Variants in ATRN observed in about 807,000 individuals in gnomAD.
ATRN encodes the protein attractin.
Under a neutral mutation model 178.7 loss-of-function variants are expected in ATRN, and 54 were observed. The ratio of observed to expected loss-of-function variants is 0.30; its 90% CI spans 0.24 to 0.38. The LOEUF (loss-of-function observed/expected upper bound fraction) is 0.38, where lower values mean the gene tolerates loss of function less well. Among genes scored for constraint, ATRN ranks in the 10% least tolerant of loss-of-function variants. ATRN has a pLI of 1.00. For missense variants in ATRN, 1,443 were observed against 1,815.1 expected (o/e 0.79, Z 3.73); for synonymous variants, 636 against 663.0 (o/e 0.96, Z 0.63).
intron 1 of ATRN, among the ~76,000 whole-genome samples, chr20:3,526,348 T>C (rs1052304084): frequency 2.6e-5 from 4 of 152,038 alleles, no homozygotes; most frequent in African/African-American, 7.3e-5. Flanking sequence ...TCACAATTGC[T>C]ACAAAGAGAA....
chr20:3,491,777 C>T (rs980378244), intron 1 of ATRN, among the ~76,000 whole-genome samples: 2 of 147,078 alleles, frequency 1.4e-5, no homozygotes, highest in African/African-American at 4.9e-5. Flanking sequence ...ACCCCCAAAA[C>T]TTATCTAAGT....
intron 1 of ATRN, among the ~76,000 whole-genome samples, chr20:3,473,494 C>CTG (rs1377896914): frequency 2.0e-5 from 3 of 152,180 alleles, no homozygotes; most frequent in African/African-American, 7.2e-5. Flanking sequence ...AAGTGGAGAT[C>CTG]TGTGGGTTGG....
chr20:3,638,709 T>C lies in ATRN; in HGVS notation c.3943-119T>C. 1 of 778,782 alleles carries C rather than the reference T, an allele frequency of 1.3e-6. No homozygotes were observed. Among genetic ancestry groups the C allele is most frequent in the Non-Finnish European group, 2.0e-6 (1 of 489,576 alleles). 48.2% of individuals were successfully genotyped at this position (778,782 alleles called of 1,614,324 possible). On this transcript the variant is annotated intron_variant, in intron 26 of 28. Coordinates refer to ENST00000262919, the MANE Select transcript of ATRN (RefSeq NM_139321.3). The surrounding 1 kb of genome is among the most constrained non-coding windows in gnomAD (Gnocchi z 4.5). ...TATCTAATATCAAGTCTAAAAAGTA[T>C]CATTTTGGACTTGATTTGTTTGAAT...
Position 3,545,899 on chromosome 20 carries a change from C to T in ATRN, c.737+9C>T. The T allele has an allele frequency of 6.2e-7, 1 of 1,612,300 alleles. No individual in the cohort carries two copies. ...TTTAATATTACTTACAGGTAAGATA[C>T]TTAAGTCTAGTATTTGTGATTTCAT... On this transcript the variant is annotated intron_variant, in intron 4 of 28. Transcript: ENST00000262919.
chr20:3,634,062 G>A (rs903092563), intron 25 of ATRN, among the ~76,000 whole-genome samples: 5 of 152,168 alleles, frequency 3.3e-5, no homozygotes, highest in Non-Finnish European at 5.9e-5. Context: ...AGGCCAAGTG[G>A]AAGGTCAGGG....
At chr20:3,475,031 CAAAAAAAA>C (rs1189030441) in intron 1 of ATRN, among the ~76,000 whole-genome samples, 1 of 55,828 alleles carries the variant, frequency 1.8e-5, no homozygotes, top group Non-Finnish European at 3.8e-5. Flanking sequence ...GACTCCATCT[CAAAAAAAA>C]AAAAAAAAAA....
At chr20:3,497,971 T>G (rs238715) in intron 1 of ATRN, among the ~76,000 whole-genome samples, 2,548 of 152,118 alleles carry the variant, frequency 0.017, 60 homozygotes, top group African/African-American at 0.046. Flanking sequence ...AAGAATCAAA[T>G]AGACGCAATA....
intron 3 of ATRN, among the ~76,000 whole-genome samples, chr20:3,542,917 G>A (rs948761969): frequency 1.5e-4 from 23 of 151,886 alleles, no homozygotes; most frequent in Non-Finnish European, 2.4e-4. Flanking sequence ...GGGATTACAG[G>A]TGTGAGCCAC....
chr20:3,630,225 C>A (rs911203708), intron 25 of ATRN, among the ~76,000 whole-genome samples: 1 of 152,204 alleles, frequency 6.6e-6, no homozygotes, highest in South Asian at 2.1e-4. Flanking sequence ...TTCCTCACTC[C>A]TGTAGAACTG....
At chr20:3,607,555 A>G (rs982578132) in intron 24 of ATRN, among the ~76,000 whole-genome samples, 5 of 152,306 alleles carry the variant, frequency 3.3e-5, no homozygotes, top group Non-Finnish European at 2.9e-5. Flanking sequence ...ACAGGATTCC[A>G]TTCTTTTTGT....
intron 16 of ATRN, among the ~76,000 whole-genome samples, chr20:3,583,220 C>T (rs993293629): frequency 2.0e-5 from 3 of 152,152 alleles, no homozygotes; most frequent in Non-Finnish European, 4.4e-5. Context: ...TTAATGAATG[C>T]CGTAGACCTT....
chr20:3,610,496 GTAACCCTC>G (rs1301977781), intron 24 of ATRN, among the ~76,000 whole-genome samples: 4 of 151,396 alleles, frequency 2.6e-5, no homozygotes, highest in African/African-American at 4.9e-5. Flanking sequence ...CTGGGCTCAA[GTAACCCTC>G]TCACCTCAGC....
At chr20:3,551,631 A>G (rs1274332281) in intron 6 of ATRN, among the ~76,000 whole-genome samples, 1 of 152,136 alleles carries the variant, frequency 6.6e-6, no homozygotes, top group African/African-American at 2.4e-5. Context: ...ACATGGGTCC[A>G]TAATTCATTG....
At chr20:3,582,092 A>G (rs747035070) in intron 15 of ATRN, 43 bp from the exon 16 acceptor site, 16 of 1,550,146 alleles carry the variant, frequency 1.0e-5, no homozygotes, top group Non-Finnish European at 1.4e-5. Flanking sequence ...AAATTAAAAA[A>G]AGATACTATC....
chr20:3,614,427 T>C (rs1215525909), intron 24 of ATRN, among the ~76,000 whole-genome samples: 10 of 152,294 alleles, frequency 6.6e-5, no homozygotes, highest in African/African-American at 1.9e-4. Context: ...GGAGCTAATA[T>C]AGAAGTCTGC....
intron 9 of ATRN, among the ~76,000 whole-genome samples, 184 bp downstream of exon 9, chr20:3,562,643 T>C (rs993070948): frequency 6.6e-6 from 1 of 152,232 alleles, no homozygotes; most frequent in South Asian, 2.1e-4. Context: ...TGTTACGTTA[T>C]TCTGTAATTC....
Position 3,638,965 on chromosome 20 carries a change from C to A in ATRN, c.4050+30C>A, listed in dbSNP as rs1856834175. ...GAATGTGACTCAGAAGTCCCTATAA[C>A]TTGACTTTTTAAAACTTAGGCTCCT... On this transcript the variant is annotated intron_variant, in intron 27 of 28. Transcript: ENST00000262919. This position sits in a 1 kb window ranked among gnomAD's most constrained non-coding sequence, Gnocchi z 4.5. 1 of 1,582,824 alleles carries A rather than the reference C, an allele frequency of 6.3e-7. No homozygotes were observed. Among genetic ancestry groups the A allele is most frequent in the Non-Finnish European group, 8.6e-7 (1 of 1,159,358 alleles).
rs1265984873 is a variant in ATRN, at chr20:3,645,695, C to T, written c.4166-1028C>T. 6.6e-6 allele frequency among the ~76,000 whole-genome samples: 1 copy of T among 152,148 alleles called. No individual in the cohort carries two copies. The highest frequency in any genetic ancestry group is 1.9e-4 in the East Asian group (1 of 5,186). On this transcript the variant is annotated intron_variant, in intron 28 of 28. Transcript: ENST00000262919. This position sits in a 1 kb window ranked among gnomAD's most constrained non-coding sequence, Gnocchi z 4.7. ...CTGTACCCCCTGTTTTAAGTGGTGC[C>T]CTTTTCTAGGCTCCCAGAGCATTCC...
intron 1 of ATRN, among the ~76,000 whole-genome samples, chr20:3,500,543 G>A (rs1266591048): frequency 6.6e-6 from 1 of 151,464 alleles, no homozygotes; most frequent in Non-Finnish European, 1.5e-5. Flanking sequence ...GTAGGGACAT[G>A]GATGAAATTG....
Sources: gnomAD v4.1 joint callset for allele counts (sites outside exome capture counted in the v4.1 genomes callset) on GRCh38, gnomAD v4.1.1 for gene constraint, Gnocchi (gnomAD v3.1) non-coding constraint, MANE v1.5 for transcripts, NCBI Gene and HGNC (gene_info 2026-07-23, HGNC 2026-07-21) for gene names.